The following GALNT9 variants were observed in gnomAD, a reference collection of about 807,000 sequenced individuals.
GALNT9 encodes the protein GalNAc transferase 9.
GALNT9 carries 47 observed loss-of-function variants against 63.1 expected under a neutral mutation model. The ratio of observed to expected loss-of-function variants is 0.75; its 90% confidence interval spans 0.59 to 0.95. The LOEUF (loss-of-function observed/expected upper bound fraction) is 0.95, where lower values mean the gene tolerates loss of function less well. Among genes scored for constraint, GALNT9 ranks in the 40% least tolerant of loss-of-function variants. The pLI is 0.00. For missense variants in GALNT9, 829 were observed against 874.8 expected, an observed-to-expected ratio of 0.95 and a Z score of 0.66; for synonymous variants, 396 against 365.7, an observed-to-expected ratio of 1.08 and a Z score of -0.94.
chr12:132,197,706 G>T, intron 10 of GALNT9, 86 bp downstream of exon 10: 2 of 1,039,294 alleles, frequency 1.9e-6, no homozygotes, highest in Non-Finnish European at 2.8e-6. Context: ...CCACCCAATG[G>T]GCTGGCTCTA....
At chr12:132,197,981 C>A in intron 9 of GALNT9, 22 bp from the exon 10 acceptor site, 1 of 1,592,804 alleles carries the variant, frequency 6.3e-7, no homozygotes, top group Non-Finnish European at 8.6e-7. Context: ...ACCACCGGGA[C>A]TGTGTGTGAG....
At chr12:132,226,595 C>G in intron 6 of GALNT9, among the ~76,000 whole-genome samples, 1 of 137,258 alleles carries the variant, frequency 7.3e-6, no homozygotes, top group Non-Finnish European at 1.6e-5. Context: ...CACATACACA[C>G]CACACACCCC....
intron 1 of GALNT9, among the ~76,000 whole-genome samples, chr12:132,314,338 T>C (rs1261454964): frequency 9.9e-5 from 15 of 152,118 alleles, no homozygotes; most frequent in African/African-American, 3.4e-4. Context: ...TTGAACTCTC[T>C]TTCTGTCTCC....
intron 1 of GALNT9, among the ~76,000 whole-genome samples, chr12:132,299,150 A>C (rs1593112949): frequency 2.4e-5 from 2 of 82,054 alleles, no homozygotes; most frequent in Admixed American, 2.5e-4. Context: ...CACCTAACCC[A>C]CCCCCAACAC....
At chr12:132,248,552 T>C (rs1878800312) in intron 5 of GALNT9, among the ~76,000 whole-genome samples, 1 of 152,094 alleles carries the variant, frequency 6.6e-6, no homozygotes, top group Non-Finnish European at 1.5e-5. Context: ...TTCGAGTGAG[T>C]CACTTGCCCG....
intron 1 of GALNT9, among the ~76,000 whole-genome samples, chr12:132,289,712 C>T (rs1880736471): frequency 6.6e-6 from 1 of 152,224 alleles, no homozygotes; most frequent in African/African-American, 2.4e-5. Context: ...AGAGACGCTG[C>T]CATTCCCATC....
rs1359837741 is a variant in GALNT9, at chr12:132,316,436, A to C, written c.238+12530T>G. The stretch of plus-strand genomic sequence containing the variant: ...GCTATAGCTTCACTAAAAAAGGAAA[A>C]AGAAAGAAAAGGAATTTGCAGTTCT... On this transcript the variant is annotated intron_variant, in intron 1 of 10. Transcript: ENST00000328957. The surrounding 1 kb of genome is among the most constrained non-coding windows in gnomAD (Gnocchi z 4.3). 1.3e-5 allele frequency among the ~76,000 whole-genome samples: 2 copies of C among 152,124 alleles called. No individual in the cohort carries two copies. The highest frequency in any genetic ancestry group is 4.8e-5 in the African/African-American group (2 of 41,416).
In GALNT9 at chr12:132,296,770, C is replaced by T. The variant is rs1881089986; in HGVS notation, c.239-10340G>A. ...CTGGGAAGTCCAAGATGAAGAGGCA[C>T]GGATCTGACTTCGGCCTCTGTGCTG... On this transcript the variant is annotated intron_variant, in intron 1 of 10. Transcript: ENST00000328957. This position sits in a 1 kb window ranked among gnomAD's most constrained non-coding sequence, Gnocchi z 4.2. 1.3e-5 allele frequency among the ~76,000 whole-genome samples: 2 copies of T among 151,364 alleles called. No individual in the cohort carries two copies. The highest frequency in any genetic ancestry group is 2.9e-5 in the Non-Finnish European group (2 of 67,880).
intron 2 of GALNT9, among the ~76,000 whole-genome samples, chr12:132,262,895 G>A (rs1879457679): frequency 1.3e-5 from 2 of 152,134 alleles, no homozygotes; most frequent in African/African-American, 4.8e-5. Flanking sequence ...AGACGCCAAG[G>A]GTGTACGGGG....
chr12:132,314,883 G>A (rs1162921767), intron 1 of GALNT9, among the ~76,000 whole-genome samples: 1 of 152,246 alleles, frequency 6.6e-6, no homozygotes, highest in Non-Finnish European at 1.5e-5. Context: ...CTGGAAGGTC[G>A]GGTGGACCTC....
At chr12:132,304,775 G>A (rs1239707016) in intron 1 of GALNT9, among the ~76,000 whole-genome samples, 46 of 34,314 alleles carry the variant, frequency 1.3e-3, no homozygotes, top group Admixed American at 1.8e-3. Context: ...ACCCTCACCC[G>A]GGCACACCCT....
At chr12:132,309,963 G>A (rs1306593809) in intron 1 of GALNT9, among the ~76,000 whole-genome samples, 1 of 152,254 alleles carries the variant, frequency 6.6e-6, no homozygotes, top group Admixed American at 6.5e-5. Context: ...GGGTGACCTC[G>A]CCGCTGAGGG....
At position 132,295,993 on chromosome 12, in the gene GALNT9, GGCCTCCGGAACAGGGAGA is replaced by G. The variant is rs1158393057; in HGVS notation, c.239-9581_239-9564del. 1.9e-3 allele frequency among the ~76,000 whole-genome samples: 245 copies of G among 129,032 alleles called. 3 individuals are homozygous for G. The highest frequency in any genetic ancestry group is 5.5e-3 in the African/African-American group (190 of 34,286). 84.7% of individuals were successfully genotyped at this position (129,032 alleles called of 152,430 possible). ...ACAGGGAGAGCCTCCAAACAGGGAC[GGCCTCCGGAACAGGGAGA>G]GCCTCCGGAACAGGGAGAGCCTCCA... On this transcript the variant is annotated intron_variant, in intron 1 of 10. Transcript: ENST00000328957.
At chr12:132,201,404 C>CCGGCCCCAT in intron 7 of GALNT9, 143 bp from the exon 8 acceptor site, 1 of 557,204 alleles carries the variant, frequency 1.8e-6, no homozygotes, top group Non-Finnish European at 3.1e-6. Context: ...GAGGCCCCAT[C>CCGGCCCCAT]CAGTTGGGAC....
chr12:132,269,213 C>A (rs1302991913), intron 2 of GALNT9, among the ~76,000 whole-genome samples: 1 of 151,588 alleles, frequency 6.6e-6, no homozygotes, highest in Non-Finnish European at 1.5e-5. Context: ...CGGGAGGCAG[C>A]GTCACCTGCC....
chr12:132,321,861 G>A lies in GALNT9; in HGVS notation c.238+7105C>T, dbSNP rs949697796. Among the ~76,000 whole-genome samples the A allele has an allele frequency of 5.9e-5, 9 of 151,902 alleles. No individual in the cohort carries two copies. In the East Asian group the frequency reaches 7.8e-4, roughly 13 times the overall value. On this transcript the variant is annotated intron_variant, in intron 1 of 10. Coordinates refer to ENST00000328957, the MANE Select transcript of GALNT9 (RefSeq NM_001122636.2). ...CACCTGTCCCCTCATACAGGAGGCC[G>A]GGAGTTGGATGTCAGGCGCGCAGGG...
At chr12:132,301,785 C>T (rs763506504) in intron 1 of GALNT9, among the ~76,000 whole-genome samples, 2 of 152,198 alleles carry the variant, frequency 1.3e-5, no homozygotes, top group African/African-American at 2.4e-5. Context: ...GATTTGGATG[C>T]GGCTCCAGGG....
intron 2 of GALNT9, among the ~76,000 whole-genome samples, chr12:132,281,905 G>C (rs1555241704): frequency 7.0e-6 from 1 of 143,096 alleles, no homozygotes; most frequent in Non-Finnish European, 1.5e-5. Flanking sequence ...GGCCAGGCCT[G>C]GGGGTCCCCG....
rs116668406 is a variant in GALNT9 at position 132,236,229 on chromosome 12, G to A, written c.1077+11681C>T. Reference sequence around the variant, plus strand: ...CCTCCCTCCCCCAGGCATCGATCTCGTGAATAAATCAGCAATGACAGCCCC... The same window carrying A: ...CCTCCCTCCCCCAGGCATCGATCTCATGAATAAATCAGCAATGACAGCCCC... On this transcript the variant is annotated intron_variant, in intron 6 of 10. Coordinates refer to ENST00000328957, the MANE Select transcript of GALNT9 (RefSeq NM_001122636.2). The surrounding 1 kb of genome is among the most constrained non-coding windows in gnomAD (Gnocchi z 5.6). Among the ~76,000 whole-genome samples the A allele has an allele frequency of 0.014, 2,177 of 151,592 alleles. 43 individuals are homozygous for A. Among genetic ancestry groups the A allele is most frequent in the African/African-American group, 0.05 (2,057 of 41,292 alleles).
Sources: allele counts gnomAD v4.1 joint callset (sites outside exome capture counted in the v4.1 genomes callset), GRCh38; gene constraint gnomAD v4.1.1; non-coding constraint Gnocchi (gnomAD v3.1); transcripts MANE v1.5; gene names NCBI Gene and HGNC (gene_info 2026-07-23, HGNC 2026-07-21).